SLC4A7: variants seen among roughly 807,000 people sequenced by gnomAD.
The protein encoded by SLC4A7 is sodium bicarbonate cotransporter 3.
Under a neutral mutation model 137.6 loss-of-function variants are expected in SLC4A7, and 51 were observed. The observed-to-expected ratio is 0.37, with a 90% CI of 0.30 to 0.47. The LOEUF (loss-of-function observed/expected upper bound fraction) is 0.47. Among genes scored for constraint, SLC4A7 ranks in the 20% least tolerant of loss-of-function variants. SLC4A7 has a pLI of 1.00. For missense variants in SLC4A7, 1,247 were observed against 1,525.4 expected, an observed-to-expected ratio of 0.82 and a Z score of 3.04; for synonymous variants, 542 against 518.6, an observed-to-expected ratio of 1.05 and a Z score of -0.61.
chr3:27,424,303 A>T (rs1460530289), intron 7 of SLC4A7, 151 bp from the exon 8 acceptor site: 1 of 469,710 alleles, frequency 2.1e-6, no homozygotes. Context: ...GTAACATACC[A>T]GCAAAACTAG....
At chr3:27,396,146 G>A (rs2150114511) in intron 18 of SLC4A7, among the ~76,000 whole-genome samples, 1 of 152,148 alleles carries the variant, frequency 6.6e-6, no homozygotes, top group East Asian at 1.9e-4. Flanking sequence ...GAAAACATTT[G>A]TCAATATAAA....
At chr3:27,473,280 C>T (rs555097242) in intron 1 of SLC4A7, among the ~76,000 whole-genome samples, 26 of 151,992 alleles carry the variant, frequency 1.7e-4, no homozygotes, top group Non-Finnish European at 2.5e-4. Context: ...ACCACGTTCT[C>T]GCCTGTGCAA....
intron 12 of SLC4A7, among the ~76,000 whole-genome samples, 175 bp from the exon 13 acceptor site, chr3:27,409,705 T>C (rs1215530809): frequency 6.6e-6 from 1 of 152,194 alleles, no homozygotes; most frequent in Admixed American, 6.5e-5. Flanking sequence ...AATCTAATGA[T>C]AGAGGAATGT....
chr3:27,427,412 T>C (rs1230608619), intron 7 of SLC4A7, among the ~76,000 whole-genome samples: 1 of 152,104 alleles, frequency 6.6e-6, no homozygotes, highest in African/African-American at 2.4e-5. Context: ...AGTGCTGAGA[T>C]TACAGGCATG....
At chr3:27,452,698 G>A (rs1273838859) in intron 1 of SLC4A7, among the ~76,000 whole-genome samples, 200 bp from the exon 2 acceptor site, 2 of 152,148 alleles carry the variant, frequency 1.3e-5, no homozygotes, top group Non-Finnish European at 2.9e-5. Flanking sequence ...AAATCCCAGA[G>A]TGAGAAGTGA....
chr3:27,383,021 T>C lies in SLC4A7; in HGVS notation c.3590+132A>G, dbSNP rs142152305. On this transcript the variant is annotated intron_variant, in intron 24 of 25. Coordinates refer to ENST00000454389, the MANE Select transcript of SLC4A7 (RefSeq NM_001321103.2). Reference sequence around the variant, plus strand: ...TTTCAAATTGTGTGAAGCCCTCCTTTAGTTGATACACCATATGCAGATTGT... The same window carrying C: ...TTTCAAATTGTGTGAAGCCCTCCTTCAGTTGATACACCATATGCAGATTGT... 22 of 622,700 alleles carry C rather than the reference T, an allele frequency of 3.5e-5. No individual in the cohort carries two copies. In the East Asian group the frequency reaches 4.6e-4, roughly 13 times the overall value. 38.6% of individuals were successfully genotyped at this position (622,700 alleles called of 1,614,324 possible).
intron 11 of SLC4A7, among the ~76,000 whole-genome samples, chr3:27,417,933 G>C (rs1330499813): frequency 6.6e-6 from 1 of 152,006 alleles, no homozygotes; most frequent in African/African-American, 2.4e-5. Flanking sequence ...AGGGAATTCT[G>C]GTAATATCTA....
At chr3:27,445,082 C>G (rs1484920428) in intron 3 of SLC4A7, among the ~76,000 whole-genome samples, 1 of 152,206 alleles carries the variant, frequency 6.6e-6, no homozygotes, top group African/African-American at 2.4e-5. Context: ...GTGTCAAAGT[C>G]TTTCCATTGT....
chr3:27,428,589 G>A (rs1171192345), intron 7 of SLC4A7, among the ~76,000 whole-genome samples: 1 of 152,176 alleles, frequency 6.6e-6, no homozygotes, highest in Non-Finnish European at 1.5e-5. Flanking sequence ...ACTTCATAAT[G>A]ATAGGAACAC....
At chr3:27,451,391 A>G (rs559964674) in intron 2 of SLC4A7, among the ~76,000 whole-genome samples, 2 of 152,226 alleles carry the variant, frequency 1.3e-5, no homozygotes, top group Admixed American at 6.5e-5. Flanking sequence ...AACATCATCA[A>G]TAATAAGTCA....
At chr3:27,399,720 T>G (rs946557653) in intron 16 of SLC4A7, among the ~76,000 whole-genome samples, 4 of 152,180 alleles carry the variant, frequency 2.6e-5, no homozygotes, top group African/African-American at 4.8e-5. Flanking sequence ...CCACCATGCT[T>G]GGCAATTTTT....
At chr3:27,441,966 G>A (rs767830461) in intron 3 of SLC4A7, among the ~76,000 whole-genome samples, 1 of 151,782 alleles carries the variant, frequency 6.6e-6, no homozygotes, top group Non-Finnish European at 1.5e-5. Context: ...CACGATCTCG[G>A]CTCACTGCAA....
intron 5 of SLC4A7, 45 bp from the exon 6 acceptor site, chr3:27,434,149 C>T (rs766103517): frequency 7.1e-7 from 1 of 1,399,134 alleles, no homozygotes; most frequent in Non-Finnish European, 9.8e-7. Flanking sequence ...CTCAGATGAC[C>T]ATAATATAGG....
At chr3:27,408,078 C>T (rs190219083) in intron 13 of SLC4A7, among the ~76,000 whole-genome samples, 112 of 152,340 alleles carry the variant, frequency 7.4e-4, no homozygotes, top group African/African-American at 2.5e-3. Flanking sequence ...ATCTCACTCA[C>T]GTGTGGCAAA....
Position 27,436,655 on chromosome 3 carries a change from TAAAG to T in SLC4A7, c.429-111_429-108del, listed in dbSNP as rs558132735. ...TCTTTAAAGAAAAAAAAAAAAGAAA[TAAAG>T]AAAACCACGACCAAACACGTTTTCA... On this transcript the variant is annotated intron_variant, in intron 4 of 25. Transcript: ENST00000454389. The T allele has an allele frequency of 4.8e-4, 354 of 731,728 alleles. 1 individual carries two copies. The highest frequency in any genetic ancestry group is 3.8e-3 in the African/African-American group (213 of 55,490). 45.3% of individuals were successfully genotyped at this position (731,728 alleles called of 1,614,324 possible).
chr3:27,438,327 A>G (rs994687852), intron 3 of SLC4A7, among the ~76,000 whole-genome samples: 2 of 150,772 alleles, frequency 1.3e-5, no homozygotes, highest in African/African-American at 4.9e-5. Flanking sequence ...CAACATGGTG[A>G]AACCCTGTCT....
At chr3:27,452,952 C>T (rs1191161728) in intron 1 of SLC4A7, among the ~76,000 whole-genome samples, 1 of 152,100 alleles carries the variant, frequency 6.6e-6, no homozygotes, top group Non-Finnish European at 1.5e-5. Flanking sequence ...CAAAAATAAG[C>T]AGACTCAACA....
chr3:27,425,078 A>T (rs1475789447), intron 7 of SLC4A7, among the ~76,000 whole-genome samples: 2 of 152,186 alleles, frequency 1.3e-5, no homozygotes, highest in Non-Finnish European at 2.9e-5. Context: ...AATTTAAAAA[A>T]TTTCAAATTC....
At chr3:27,398,011 T>G in intron 17 of SLC4A7, 181 bp downstream of exon 17, 1 of 618,744 alleles carries the variant, frequency 1.6e-6, no homozygotes, top group Non-Finnish European at 2.8e-6. Context: ...TATGGTACCA[T>G]CATCTTCCTA....
Sources: gnomAD v4.1 joint callset for allele counts (sites outside exome capture counted in the v4.1 genomes callset) on GRCh38, gnomAD v4.1.1 for gene constraint, MANE v1.5 for transcripts, NCBI Gene and HGNC (gene_info 2026-07-23, HGNC 2026-07-21) for gene names.